The following SYT16 variants were observed in gnomAD, a reference collection of about 807,000 sequenced individuals.
SYT16 encodes the protein synaptotagmin-16.
In SYT16, 42 loss-of-function variants were observed where a neutral mutation model predicts 61.4. That is an observed-to-expected ratio of 0.68 (90% CI 0.53 to 0.89). The LOEUF (loss-of-function observed/expected upper bound fraction) is 0.89. Among genes scored for constraint, SYT16 ranks in the 40% least tolerant of loss-of-function variants. SYT16 has a pLI of 0.00. For synonymous variants in SYT16, 314 were observed against 302.3 expected, an observed-to-expected ratio of 1.04 and a Z score of -0.40; for missense variants, 804 against 807.3, an observed-to-expected ratio of 1.00 and a Z score of 0.05.
intron 2 of SYT16, among the ~76,000 whole-genome samples, chr14:61,975,336 C>T (rs1326796008): frequency 6.6e-6 from 1 of 151,968 alleles, no homozygotes; most frequent in Non-Finnish European, 1.5e-5. Flanking sequence ...TCAGACTAAA[C>T]ATTGCCTGAC....
Position 61,995,737 on chromosome 14 carries a change from T to C in SYT16, c.-144-139T>C, listed in dbSNP as rs147797893. 346 of 321,912 alleles carry C rather than the reference T, an allele frequency of 1.1e-3. 1 individual carries two copies. Among genetic ancestry groups the C allele is most frequent in the East Asian group, 8.2e-3 (154 of 18,846 alleles). 19.9% of individuals were successfully genotyped at this position (321,912 alleles called of 1,614,324 possible). The stretch of plus-strand genomic sequence containing the variant: ...ATCTACATCTAGACTTTCACAGTCA[T>C]TTTTATGTAACTATTTTAAGATTTT... On this transcript the variant is annotated intron_variant, in intron 2 of 7. Coordinates refer to ENST00000683842, the MANE Select transcript of SYT16 (RefSeq NM_001367656.1).
chr14:62,081,052 G>A lies in SYT16; in HGVS notation c.1212G>A (p.Thr404=), dbSNP rs200293604. The change falls in exon 6 of 8, where the codon ACG becomes ACA. Residue 404 remains threonine (T), a synonymous_variant. Coordinates refer to ENST00000683842, the MANE Select transcript of SYT16 (RefSeq NM_001367656.1). The part of the protein sequence containing the change: ...LLPGKKHRGR[T]NIQRGPNPVF... ...CTGGTAAGAAACACAGGGGCAGGAC[G>A]AACATACAGAGAGGGCCCAACCCCG... 3 of 1,613,406 alleles carry A rather than the reference G, an allele frequency of 1.9e-6. No homozygotes were observed. Among genetic ancestry groups the A allele is most frequent in the East Asian group, 4.5e-5 (2 of 44,884 alleles).
At chr14:62,039,875 A>ACACACACACACG (rs1390417627) in intron 3 of SYT16, among the ~76,000 whole-genome samples, 8 of 105,380 alleles carry the variant, frequency 7.6e-5, no homozygotes, top group Admixed American at 6.0e-4. Flanking sequence ...ACACACACAC[A>ACACACACACACG]CACGCACATA....
At chr14:61,972,409 G>T (rs1203140632) in intron 2 of SYT16, among the ~76,000 whole-genome samples, 1 of 152,088 alleles carries the variant, frequency 6.6e-6, no homozygotes, top group Admixed American at 6.5e-5. Flanking sequence ...TAAGAATGTT[G>T]AAACAATAAC....
At chr14:61,873,562 AT>A (rs1220931346) in intron 1 of SYT16, among the ~76,000 whole-genome samples, 1 of 152,236 alleles carries the variant, frequency 6.6e-6, no homozygotes, top group African/African-American at 2.4e-5. Context: ...TGTGAATAAC[AT>A]TTATTCATAG....
chr14:61,842,325 A>G (rs1266140027), intron 1 of SYT16, among the ~76,000 whole-genome samples: 1 of 151,796 alleles, frequency 6.6e-6, no homozygotes, highest in Non-Finnish European at 1.5e-5. Context: ...TCCTCCTGCC[A>G]CTCTTCTAGC....
intron 3 of SYT16, among the ~76,000 whole-genome samples, chr14:62,003,922 GA>G (rs2053121110): frequency 6.6e-6 from 1 of 152,130 alleles, no homozygotes; most frequent in African/African-American, 2.4e-5. Flanking sequence ...AATGAAAGGA[GA>G]AAGGCATTCC....
chr14:61,832,153 G>A (rs1158709995), intron 1 of SYT16: 4 of 696,956 alleles, frequency 5.7e-6, no homozygotes, highest in Middle Eastern at 2.5e-4. Flanking sequence ...TCCGTGGAGC[G>A]GTTGCTCCAG....
intron 3 of SYT16, among the ~76,000 whole-genome samples, chr14:62,029,533 C>T (rs763649303): frequency 6.6e-6 from 1 of 152,202 alleles, no homozygotes; most frequent in Non-Finnish European, 1.5e-5. Flanking sequence ...ACATGTTACA[C>T]TTCCTTTCGG....
chr14:61,941,269 C>T (rs1194005398), intron 1 of SYT16, among the ~76,000 whole-genome samples: 6 of 152,238 alleles, frequency 3.9e-5, no homozygotes, highest in Admixed American at 6.5e-5. Context: ...AGTGATGCCT[C>T]GTTAAATGCT....
At chr14:61,852,350 C>T (rs955978773) in intron 1 of SYT16, among the ~76,000 whole-genome samples, 4 of 152,100 alleles carry the variant, frequency 2.6e-5, no homozygotes, top group African/African-American at 9.7e-5. Flanking sequence ...AGTTGAGTAG[C>T]GTGATACTTC....
At chr14:61,868,711 G>A (rs141529961) in intron 1 of SYT16, among the ~76,000 whole-genome samples, 2,906 of 152,008 alleles carry the variant, frequency 0.019, 55 homozygotes, top group African/African-American at 0.039. Context: ...TTGTTTTGTT[G>A]CCCAGATTAT....
At chr14:61,878,913 T>G (rs2047594810) in intron 1 of SYT16, among the ~76,000 whole-genome samples, 1 of 152,182 alleles carries the variant, frequency 6.6e-6, no homozygotes, top group Non-Finnish European at 1.5e-5. Context: ...ATTAGGGGAT[T>G]TATCTAGAGG....
intron 3 of SYT16, among the ~76,000 whole-genome samples, chr14:62,054,785 G>T (rs2140900264): frequency 6.6e-6 from 1 of 152,284 alleles, no homozygotes; most frequent in East Asian, 1.9e-4. Context: ...TCTGTAGCTT[G>T]ACTTGCCTCT....
intron 1 of SYT16, among the ~76,000 whole-genome samples, chr14:61,914,172 A>G (rs985369394): frequency 2.0e-4 from 31 of 152,152 alleles, no homozygotes; most frequent in African/African-American, 7.5e-4. Context: ...TTGTTGGATC[A>G]CTTTGGAGCT....
In SYT16 at chr14:61,820,469, GTTTTTTTTTTT is replaced by G. The variant is rs71117856; in HGVS notation, c.-325+7679_-325+7689del. Among the ~76,000 whole-genome samples, 25 of 61,082 alleles carry G rather than the reference GTTTTTTTTTTT, an allele frequency of 4.1e-4. 2 individuals are homozygous for G. The highest frequency in any genetic ancestry group is 3.1e-3 in the Admixed American group (10 of 3,210). 40.1% of individuals were successfully genotyped at this position (61,082 alleles called of 152,430 possible). A position where few individuals can be genotyped will look rare whatever the true frequency, so the allele number is the denominator to read the frequency against. On this transcript the variant is annotated intron_variant, in intron 1 of 7. Coordinates refer to ENST00000683842, the MANE Select transcript of SYT16 (RefSeq NM_001367656.1). ...ATATGCTTCAGGGCACCTCTTCAGA[GTTTTTTTTTTT>G]TTTTTTTTTTTTTTTTTTTGAGACG... is the stretch of plus-strand genomic sequence containing the variant.
intron 1 of SYT16, among the ~76,000 whole-genome samples, chr14:61,883,147 A>G (rs572623965): frequency 2.0e-5 from 3 of 152,238 alleles, no homozygotes; most frequent in Non-Finnish European, 2.9e-5. Flanking sequence ...AGGGGCTGCC[A>G]GGAAGGTCTC....
intron 1 of SYT16, among the ~76,000 whole-genome samples, chr14:61,867,140 G>A (rs1288214865): frequency 6.6e-6 from 1 of 151,788 alleles, no homozygotes; most frequent in Non-Finnish European, 1.5e-5. Flanking sequence ...ATACTGCTTT[G>A]ATTACTGTAG....
chr14:61,868,261 T>C (rs1373318761), intron 1 of SYT16, among the ~76,000 whole-genome samples: 2 of 151,920 alleles, frequency 1.3e-5, no homozygotes, highest in East Asian at 3.8e-4. Context: ...GATTAGAGGT[T>C]TATCAATTTT....
Sources: allele counts gnomAD v4.1 joint callset (sites outside exome capture counted in the v4.1 genomes callset), GRCh38; gene constraint gnomAD v4.1.1; transcripts MANE v1.5; gene names NCBI Gene and HGNC (gene_info 2026-07-23, HGNC 2026-07-21).